Variants in DRC3 observed in about 807,000 individuals in gnomAD.
DRC3 encodes the protein leucine rich repeat containing 48.
In DRC3, 45 loss-of-function variants were observed where a neutral mutation model predicts 57.6. The ratio of observed to expected loss-of-function variants is 0.78; its 90% CI spans 0.62 to 1.00. The LOEUF is 1.00. Among genes scored for constraint, DRC3 ranks in the 50% least tolerant of loss-of-function variants. The probability of loss-of-function intolerance (pLI) is 0.00; values close to 1 mark genes in which losing one functional copy is unlikely to be tolerated. For missense variants in DRC3, 655 were observed against 675.2 expected, an observed-to-expected ratio of 0.97 and a Z score of 0.33; for synonymous variants, 257 against 272.3, an observed-to-expected ratio of 0.94 and a Z score of 0.55.
chr17:17,983,720 G>A, intron 3 of DRC3, 108 bp from the exon 4 acceptor site: 1 of 732,426 alleles, frequency 1.4e-6, no homozygotes, highest in Admixed American at 2.2e-5. Context: ...CCAGGGCAGG[G>A]CAGAAGAGTT....
chr17:17,982,516 A>C (rs2042749006), intron 3 of DRC3, among the ~76,000 whole-genome samples: 3 of 141,898 alleles, frequency 2.1e-5, no homozygotes, highest in South Asian at 4.5e-4. Flanking sequence ...CGCCTGGCCC[A>C]CAGCACCAAT....
intron 3 of DRC3, 35 bp from the exon 4 acceptor site, chr17:17,983,793 T>G (rs760757921): frequency 7.3e-6 from 11 of 1,512,264 alleles, no homozygotes; most frequent in African/African-American, 1.4e-5. Flanking sequence ...ACTCTGACCC[T>G]AACCTGAGAC....
intron 11 of DRC3, 32 bp downstream of exon 11, chr17:18,006,285 G>GA: frequency 2.0e-6 from 3 of 1,528,346 alleles, no homozygotes; most frequent in Non-Finnish European, 1.8e-6. Context: ...TCCCCATGGG[G>GA]AGGTGCTACA....
intron 13 of DRC3, 25 bp downstream of exon 13, chr17:18,016,220 G>A: frequency 1.2e-6 from 2 of 1,606,894 alleles, no homozygotes. Flanking sequence ...AGCCATCCTA[G>A]CAGGCTGGAT....
chr17:17,976,343 T>C (rs1046935720), intron 2 of DRC3, among the ~76,000 whole-genome samples: 2 of 152,150 alleles, frequency 1.3e-5, no homozygotes, highest in Non-Finnish European at 2.9e-5. Flanking sequence ...ATCCCCCCTG[T>C]GCTGTGGTGT....
chr17:17,986,542 T>C (rs2042967895), intron 4 of DRC3, among the ~76,000 whole-genome samples: 1 of 146,758 alleles, frequency 6.8e-6, no homozygotes, highest in Non-Finnish European at 1.5e-5. Context: ...CAATCTCGGC[T>C]CACTCCACCT....
At chr17:18,006,736 A>G (rs762847551) in intron 11 of DRC3, 3 of 410,396 alleles carry the variant, frequency 7.3e-6, no homozygotes, top group Non-Finnish European at 1.4e-5. Flanking sequence ...AGAGGCAACA[A>G]GTGGTGCCAA....
chr17:17,997,318 G>T (rs1379774252), intron 8 of DRC3, 142 bp from the exon 9 acceptor site: 84 of 718,506 alleles, frequency 1.2e-4, no homozygotes, highest in Non-Finnish European at 2.0e-5. Context: ...TCCACCAAAT[G>T]AACCAAATGA....
chr17:17,975,707 G>A (rs1289343572), intron 2 of DRC3, among the ~76,000 whole-genome samples: 1 of 152,196 alleles, frequency 6.6e-6, no homozygotes, highest in Non-Finnish European at 1.5e-5. Context: ...TCACCCCAAC[G>A]AGGTGGAGCC....
intron 6 of DRC3, chr17:17,993,943 T>G: frequency 3.7e-6 from 1 of 271,334 alleles, no homozygotes; most frequent in Non-Finnish European, 7.3e-6. Context: ...CTGAGGGCTG[T>G]TGGGAGTGAG....
At chr17:17,980,660 T>C (rs1480176813) in intron 3 of DRC3, among the ~76,000 whole-genome samples, 2 of 147,676 alleles carry the variant, frequency 1.4e-5, no homozygotes, top group Non-Finnish European at 3.0e-5. Flanking sequence ...AGTGGCACGA[T>C]CTAGGCTCAC....
Position 17,983,884 on chromosome 17 carries a change from GACAATA to G in DRC3, c.221_226del (p.Asn74_Asn75del), listed in dbSNP as rs2042830628. 2 of 1,613,638 alleles carry G rather than the reference GACAATA, an allele frequency of 1.2e-6. No homozygotes were observed. The highest frequency in any genetic ancestry group is 1.7e-6 in the Non-Finnish European group (2 of 1,179,656). ...TGAGAACTTGAGGAAGCTGCAGCTGGACAATAACATCATTGAGAAGATCGAGGGCCT... is the reference window on the plus strand; with the variant it reads ...TGAGAACTTGAGGAAGCTGCAGCTGGACATCATTGAGAAGATCGAGGGCCT... On this transcript the variant is annotated inframe_deletion, in exon 4 of 14. Transcript: ENST00000399187.
intron 13 of DRC3, 146 bp from the exon 14 acceptor site, chr17:18,016,412 A>C: frequency 2.6e-6 from 2 of 776,916 alleles, no homozygotes; most frequent in Non-Finnish European, 4.1e-6. Context: ...AAATATACAG[A>C]GATCAGCAGA....
intron 4 of DRC3, among the ~76,000 whole-genome samples, chr17:17,984,333 G>A (rs991744930): frequency 1.3e-5 from 2 of 152,034 alleles, no homozygotes; most frequent in African/African-American, 4.8e-5. Flanking sequence ...TCGTCACAGA[G>A]GCTAGTGTGT....
intron 12 of DRC3, among the ~76,000 whole-genome samples, chr17:18,010,190 G>A (rs7212167): frequency 0.43 from 64,678 of 152,068 alleles, 15,081 homozygotes; most frequent in East Asian, 0.9. Flanking sequence ...AGGAGACTCC[G>A]CGTTGGCTTG....
chr17:17,984,942 G>A (rs1002616586), intron 4 of DRC3, among the ~76,000 whole-genome samples: 3 of 152,174 alleles, frequency 2.0e-5, no homozygotes, highest in African/African-American at 7.2e-5. Context: ...GGCTCAGGGA[G>A]GCTGACCAGC....
In DRC3 at chr17:17,975,664, G is replaced by A. The variant is rs571651717; in HGVS notation, c.-18+1702G>A. 1.1e-4 allele frequency among the ~76,000 whole-genome samples: 16 copies of A among 152,302 alleles called. No homozygotes were observed. The East Asian group carries it at 2.3e-3, about 22-fold the overall frequency. ...AAGAGTGGGGAGCTAGAGAGAGGCC[G>A]AGGTCTGGAACTGTCTTTGGGGGTA... On this transcript the variant is annotated intron_variant, in intron 2 of 13. Transcript: ENST00000399187.
intron 2 of DRC3, among the ~76,000 whole-genome samples, chr17:17,975,473 G>A (rs1316941224): frequency 2.0e-5 from 3 of 151,528 alleles, no homozygotes; most frequent in South Asian, 2.1e-4. Flanking sequence ...GCCTCCCAAA[G>A]TGCTGGGATT....
intron 7 of DRC3, 106 bp from the exon 8 acceptor site, chr17:17,994,893 T>C: frequency 1.4e-6 from 1 of 733,446 alleles, no homozygotes; most frequent in Non-Finnish European, 2.4e-6. Context: ...GCCATTCTCT[T>C]TGTCTGGAAC....
Sources: gnomAD v4.1 joint callset for allele counts (sites outside exome capture counted in the v4.1 genomes callset) on GRCh38, gnomAD v4.1.1 for gene constraint, MANE v1.5 for transcripts, NCBI Gene and HGNC (gene_info 2026-07-23, HGNC 2026-07-21) for gene names.